AUTS2: variants seen among roughly 807,000 people sequenced by gnomAD.
AUTS2 encodes the protein activator of transcription and developmental regulator AUTS2.
Under a neutral mutation model 112.4 loss-of-function variants are expected in AUTS2, and 17 were observed. That is an observed-to-expected ratio of 0.15 (90% CI 0.10 to 0.23). The LOEUF is 0.23. Among genes scored for constraint, AUTS2 ranks in the 10% least tolerant of loss-of-function variants. The pLI, the probability that AUTS2 is intolerant of heterozygous loss-of-function variation, is 1.00. For synonymous variants in AUTS2, 751 were observed against 702.7 expected (o/e 1.07, Z -1.09); for missense variants, 1,510 against 1,701.6 (o/e 0.89, Z 1.98).
At chr7:70,577,531 A>T (rs1802222351) in intron 5 of AUTS2, among the ~76,000 whole-genome samples, 3 of 152,176 alleles carry the variant, frequency 2.0e-5, no homozygotes, top group South Asian at 4.1e-4. Context: ...TATGTAAGTG[A>T]TACATAACAT....
At chr7:70,044,316 A>G (rs1454718738) in intron 2 of AUTS2, among the ~76,000 whole-genome samples, 1 of 152,206 alleles carries the variant, frequency 6.6e-6, no homozygotes, top group East Asian at 1.9e-4. Context: ...TTTATGTGCT[A>G]TAATTCTTTG....
At chr7:69,825,515 G>C (rs1385941998) in intron 1 of AUTS2, among the ~76,000 whole-genome samples, 1 of 151,982 alleles carries the variant, frequency 6.6e-6, no homozygotes, top group African/African-American at 2.4e-5. Context: ...TTGCAGTGCT[G>C]ATTTTGACAA....
chr7:69,750,556 T>C (rs1787697521), intron 1 of AUTS2, among the ~76,000 whole-genome samples: 1 of 151,640 alleles, frequency 6.6e-6, no homozygotes, highest in Non-Finnish European at 1.5e-5. Context: ...AGTGCAGTGG[T>C]GAGATCATAA....
chr7:69,633,231 C>CT (rs1179284356), intron 1 of AUTS2, among the ~76,000 whole-genome samples: 1 of 151,736 alleles, frequency 6.6e-6, no homozygotes. Context: ...GTACAGTGTC[C>CT]TTCAGGCTCA....
At chr7:70,239,245 G>A (rs768846810) in intron 4 of AUTS2, among the ~76,000 whole-genome samples, 40 of 152,136 alleles carry the variant, frequency 2.6e-4, no homozygotes, top group South Asian at 6.2e-4. Context: ...GCCACATCAG[G>A]TCTCTCTGGC....
At chr7:70,411,564 C>T (rs1266489886) in intron 4 of AUTS2, among the ~76,000 whole-genome samples, 2 of 151,164 alleles carry the variant, frequency 1.3e-5, no homozygotes, top group African/African-American at 2.4e-5. Context: ...TGCCTGGTCA[C>T]ATTTAAAAAA....
At chr7:70,196,438 A>G (rs530158019) in intron 4 of AUTS2, among the ~76,000 whole-genome samples, 1 of 152,332 alleles carries the variant, frequency 6.6e-6, no homozygotes, top group African/African-American at 2.4e-5. Flanking sequence ...GACTGTGAAT[A>G]TATTTTGAAT....
intron 1 of AUTS2, among the ~76,000 whole-genome samples, chr7:69,633,762 A>G (rs1050456756): frequency 6.6e-6 from 1 of 152,046 alleles, no homozygotes; most frequent in African/African-American, 2.4e-5. Flanking sequence ...AAAAATGTCT[A>G]TTCAGGTCTT....
intron 4 of AUTS2, among the ~76,000 whole-genome samples, chr7:70,355,103 T>TGG (rs1470438468): frequency 1.9e-4 from 29 of 149,862 alleles, no homozygotes; most frequent in African/African-American, 3.7e-4. Context: ...TGTGTATGTA[T>TGG]GGGTGTGTGT....
intron 6 of AUTS2, among the ~76,000 whole-genome samples, chr7:70,747,551 C>T (rs1446251321): frequency 2.6e-5 from 4 of 151,926 alleles, no homozygotes; most frequent in East Asian, 1.9e-4. Context: ...CTCCACCTCC[C>T]AGGTACAAGT....
intron 4 of AUTS2, among the ~76,000 whole-genome samples, chr7:70,157,726 A>G (rs1807856870): frequency 1.3e-5 from 2 of 152,246 alleles, no homozygotes; most frequent in African/African-American, 4.8e-5. Context: ...GTAGCATTTT[A>G]TAGCAAACAT....
chr7:69,859,272 G>T (rs1454014377), intron 1 of AUTS2, among the ~76,000 whole-genome samples: 1 of 152,142 alleles, frequency 6.6e-6, no homozygotes, highest in Non-Finnish European at 1.5e-5. Context: ...AAAAGAAAAA[G>T]AAATAAAGTT....
At chr7:69,658,112 T>C (rs1415754538) in intron 1 of AUTS2, among the ~76,000 whole-genome samples, 2 of 152,262 alleles carry the variant, frequency 1.3e-5, no homozygotes, top group African/African-American at 4.8e-5. Flanking sequence ...AATAAAGTTT[T>C]ATTGGAATAC....
chr7:70,501,931 A>G (rs908499476), intron 5 of AUTS2, among the ~76,000 whole-genome samples: 2 of 152,130 alleles, frequency 1.3e-5, no homozygotes, highest in Non-Finnish European at 2.9e-5. Context: ...TGGCCTGAGG[A>G]GCCCTTCACT....
chr7:70,727,305 C>T (rs1787095853), intron 6 of AUTS2, among the ~76,000 whole-genome samples: 1 of 152,134 alleles, frequency 6.6e-6, no homozygotes, highest in South Asian at 2.1e-4. Flanking sequence ...GGGACCACAG[C>T]CGTGTTTGTT....
intron 2 of AUTS2, among the ~76,000 whole-genome samples, chr7:70,043,887 G>A (rs1012367690): frequency 2.0e-5 from 3 of 151,932 alleles, no homozygotes; most frequent in Non-Finnish European, 4.4e-5. Context: ...GGGATTACAG[G>A]CGTGAGCCAC....
intron 4 of AUTS2, among the ~76,000 whole-genome samples, chr7:70,385,181 G>T (rs925102487): frequency 5.9e-5 from 9 of 152,090 alleles, no homozygotes; most frequent in African/African-American, 1.9e-4. Context: ...GTTGCTTTCT[G>T]CTTATCCACT....
intron 1 of AUTS2, among the ~76,000 whole-genome samples, chr7:69,881,627 A>G (rs143201471): frequency 2.4e-4 from 36 of 152,220 alleles, no homozygotes; most frequent in East Asian, 2.3e-3. Flanking sequence ...TTTTGGATCT[A>G]TCAGGAGTAC....
intron 4 of AUTS2, among the ~76,000 whole-genome samples, chr7:70,426,112 C>T (rs1178048757): frequency 6.6e-6 from 1 of 152,154 alleles, no homozygotes; most frequent in Non-Finnish European, 1.5e-5. Context: ...CCCAGGCAGT[C>T]TGGCTCCATA....
Sources: allele counts gnomAD v4.1 joint callset (sites outside exome capture counted in the v4.1 genomes callset), GRCh38; gene constraint gnomAD v4.1.1; transcripts MANE v1.5; gene names NCBI Gene and HGNC (gene_info 2026-07-23, HGNC 2026-07-21).